The following SLC26A5 variants were observed in gnomAD, a reference collection of about 807,000 sequenced individuals.
SLC26A5 encodes prestin.
A neutral mutation model predicts 81.0 loss-of-function variants in SLC26A5; 51 were observed. The observed-to-expected ratio is 0.63, with a 90% CI of 0.50 to 0.80. SLC26A5 has a LOEUF of 0.80. SLC26A5 is among the 30% of genes least tolerant of loss of function. SLC26A5 has a pLI of 0.00. For missense variants in SLC26A5, 771 were observed against 905.8 expected (o/e 0.85, Z 1.91); for synonymous variants, 325 against 332.8 (o/e 0.98, Z 0.25).
chr7:103,409,403 T>C (rs1168160404), intron 7 of SLC26A5, among the ~76,000 whole-genome samples: 1 of 152,238 alleles, frequency 6.6e-6, no homozygotes, highest in Non-Finnish European at 1.5e-5. Context: ...ATTTCCTAAT[T>C]CCCTCTTTAT....
intron 2 of SLC26A5, 78 bp from the exon 3 acceptor site, chr7:103,421,645 G>GC: frequency 1.0e-6 from 1 of 977,942 alleles, no homozygotes; most frequent in Non-Finnish European, 1.6e-6. Context: ...CTTCTTTGTG[G>GC]TGTTCCAAGT....
chr7:103,367,265 A>C lies in SLC26A5; in HGVS notation c.2041+9543T>G. On this transcript the variant is annotated intron_variant, in intron 19 of 19. Coordinates refer to the SLC26A5 transcript ENST00000339444. The surrounding 1 kb of genome is among the most constrained non-coding windows in gnomAD (Gnocchi z 6.1). ...CTTTCTAATTAGTTTTATATAAAGCAAGCTGTTCTTACAGGATTTGCTTCA... is the reference window on the plus strand; with the variant it reads ...CTTTCTAATTAGTTTTATATAAAGCCAGCTGTTCTTACAGGATTTGCTTCA... 1.6e-6 allele frequency: 1 copy of C among 642,804 alleles called. No individual in the cohort carries two copies. The highest frequency in any genetic ancestry group is 2.8e-6 in the Non-Finnish European group (1 of 362,700). The allele number at this position is 642,804 out of a possible 1,614,324, so 39.8% of individuals were successfully genotyped here.
rs775655148 is a variant in SLC26A5 at position 103,411,457 on chromosome 7, A to G, written c.533T>C (p.Val178Ala). 6.2e-7 allele frequency: 1 copy of G among 1,614,152 alleles called. No homozygotes were observed. Among genetic ancestry groups the G allele is most frequent in the East Asian group, 2.2e-5 (1 of 44,876 alleles). ...TEARDALRVK[V>A]AMSVTLLSGI... is the part of the protein sequence containing the mutation. ...TGAAAGTAAGGTCACAGACATGGCGACTTTCACTCTCAAGGCATCTCTGGC... is the reference window on the plus strand; with the variant it reads ...TGAAAGTAAGGTCACAGACATGGCGGCTTTCACTCTCAAGGCATCTCTGGC... The change falls in exon 6 of 20, where the codon GTC becomes GCC. Residue 178 changes from valine (V) to alanine (A), a missense_variant. Transcript: ENST00000306312.
chr7:103,412,759 C>A (rs975471270), intron 5 of SLC26A5, among the ~76,000 whole-genome samples: 18 of 151,998 alleles, frequency 1.2e-4, no homozygotes, highest in African/African-American at 4.4e-4. Flanking sequence ...CTATGTTGGT[C>A]TGGCTGGTCT....
At chr7:103,377,089 T>C (rs1821408551) in intron 18 of SLC26A5, among the ~76,000 whole-genome samples, 1 of 152,194 alleles carries the variant, frequency 6.6e-6, no homozygotes. Context: ...CTGTTAAATC[T>C]TACTTAAGTA....
rs375177559 is a variant in SLC26A5 at position 103,355,886 on chromosome 7, A to G, written c.2042-2960T>C. 272 of 840,900 alleles carry G rather than the reference A, an allele frequency of 3.2e-4. 2 individuals carry two copies. In the Middle Eastern group the frequency reaches 0.011, roughly 35 times the overall value. The allele number at this position is 840,900 out of a possible 1,614,324, so 52.1% of individuals were successfully genotyped here. Reference sequence around the variant, plus strand: ...AGGGATAATGCAATAGTTCATAAATAATTTTGATTCCAAATTCCAAGTAAA... The same window carrying G: ...AGGGATAATGCAATAGTTCATAAATGATTTTGATTCCAAATTCCAAGTAAA... On this transcript the variant is annotated intron_variant, in intron 19 of 19. Coordinates refer to the SLC26A5 transcript ENST00000339444.
At chr7:103,373,758 T>C (rs555505202), downstream of SLC26A5, among the ~76,000 whole-genome samples, 6 of 152,296 alleles carry the variant, frequency 3.9e-5, no homozygotes, top group East Asian at 3.9e-4. Flanking sequence ...TAAAACACTA[T>C]AGATGTGGTC....
At chr7:103,437,761 A>G (rs146527748) in intron 2 of SLC26A5, among the ~76,000 whole-genome samples, 3 of 152,158 alleles carry the variant, frequency 2.0e-5, no homozygotes, top group African/African-American at 7.2e-5. Context: ...AATGGTGTTG[A>G]CCAGAGGCTA....
In SLC26A5 at chr7:103,391,690, G is replaced by C. The variant is rs576599754; in HGVS notation, c.1165C>G (p.Gln389Glu). 2 of 1,614,120 alleles carry C rather than the reference G, an allele frequency of 1.2e-6. No individual in the cohort carries two copies. Among genetic ancestry groups the C allele is most frequent in the African/African-American group, 2.7e-5 (2 of 75,034 alleles). Residue 389 changes from glutamine to glutamate, a missense_variant, in exon 11 of 20, where the codon CAG becomes GAG. Physicochemically the swap from Gln to Glu is conservative, Grantham distance 29. Transcript: ENST00000306312. ...GLCNSIGSLFQTFSISCSLSR... is the reference protein window; with the variant it reads ...GLCNSIGSLFETFSISCSLSR... ...AAGGAGCATGAAATTGAAAAGGTCTGGAAGAGTGAGCCAATGGAATTGCAC... is the reference window on the plus strand; with the variant it reads ...AAGGAGCATGAAATTGAAAAGGTCTCGAAGAGTGAGCCAATGGAATTGCAC...
At chr7:103,383,911 G>A (rs1000933447) in intron 14 of SLC26A5, among the ~76,000 whole-genome samples, 1 of 152,064 alleles carries the variant, frequency 6.6e-6, no homozygotes, top group African/African-American at 2.4e-5. Flanking sequence ...GGAGGCTGAG[G>A]TGGGAGGAAC....
chr7:103,354,697 T>C (rs1819932915), intron 19 of SLC26A5, among the ~76,000 whole-genome samples: 1 of 152,160 alleles, frequency 6.6e-6, no homozygotes, highest in South Asian at 2.1e-4. Flanking sequence ...TCTTGCATAA[T>C]AGTGGATTGT....
chr7:103,367,403 G>T lies in SLC26A5; in HGVS notation c.2041+9405C>A. 4.3e-6 allele frequency: 7 copies of T among 1,612,890 alleles called. No homozygotes were observed. The highest frequency in any genetic ancestry group is 5.9e-6 in the Non-Finnish European group (7 of 1,179,774). ...ACTTGAAGAGCTTATCTTTCCTTTT[G>T]TCTTCTCAGGGGCTCGTTTTGATGA... On this transcript the variant is annotated intron_variant, in intron 19 of 19. Coordinates refer to the SLC26A5 transcript ENST00000339444. This position sits in a 1 kb window ranked among gnomAD's most constrained non-coding sequence, Gnocchi z 6.1.
chr7:103,420,353 T>C (rs993008907), intron 4 of SLC26A5, among the ~76,000 whole-genome samples: 8 of 146,612 alleles, frequency 5.5e-5, no homozygotes, highest in African/African-American at 1.3e-4. Context: ...CGGAGTGAAG[T>C]AGTATGATCA....
chr7:103,362,579 C>A lies in SLC26A5; in HGVS notation c.2042-9653G>T, dbSNP rs184165831. On this transcript the variant is annotated intron_variant, in intron 19 of 19. Transcript: ENST00000339444. ...CTCTTTATATAATTAGGGACTCTGT[C>A]TCTCTCTTGTTTTCTTAAAGTATGG... The A allele has an allele frequency of 1.7e-3, 2,489 of 1,437,064 alleles. 3 individuals are homozygous for A. The highest frequency in any genetic ancestry group is 2.2e-3 in the Non-Finnish European group (2,352 of 1,053,458). The allele number at this position is 1,437,064 out of a possible 1,614,324, so 89.0% of individuals were successfully genotyped here. A position where few individuals can be genotyped will look rare whatever the true frequency, so the allele number is the denominator to read the frequency against.
chr7:103,355,191 G>T (rs552211552), intron 19 of SLC26A5, among the ~76,000 whole-genome samples: 1 of 152,162 alleles, frequency 6.6e-6, no homozygotes, highest in Non-Finnish European at 1.5e-5. Context: ...TAATATTTCT[G>T]TTGGTCAAAA....
intron 9 of SLC26A5, among the ~76,000 whole-genome samples, chr7:103,394,077 C>T (rs1374030289): frequency 6.6e-6 from 1 of 152,188 alleles, no homozygotes; most frequent in Non-Finnish European, 1.5e-5. Context: ...AGCTCATCTA[C>T]CAAGTACAAC....
chr7:103,354,513 C>A (rs372152575), intron 19 of SLC26A5, among the ~76,000 whole-genome samples: 157 of 151,942 alleles, frequency 1.0e-3, no homozygotes, highest in African/African-American at 3.6e-3. Flanking sequence ...GGATTATGAG[C>A]GCCCACCACC....
At position 103,374,648 on chromosome 7, in the gene SLC26A5, T is replaced by C. The variant is rs559951732; in HGVS notation, c.2042-56A>G. ...CACTCTGGATATCAGTCTTCAACAA[T>C]TAAAAAAAAGTAACACTTCCATATA... On this transcript the variant is annotated intron_variant, in intron 19 of 19. Transcript: ENST00000306312. 18 of 1,531,702 alleles carry C rather than the reference T, an allele frequency of 1.2e-5. No homozygotes were observed. In the East Asian group the frequency reaches 3.6e-4, roughly 31 times the overall value. The allele number at this position is 1,531,702 out of a possible 1,614,324, so 94.9% of individuals were successfully genotyped here. A position where few individuals can be genotyped will look rare whatever the true frequency, so the allele number is the denominator to read the frequency against.
At chr7:103,385,537 C>T (rs1822120141) in intron 14 of SLC26A5, among the ~76,000 whole-genome samples, 1 of 152,056 alleles carries the variant, frequency 6.6e-6, no homozygotes. Flanking sequence ...CAGAAGAAGC[C>T]AGCTGAAAAT....
Sources: gnomAD v4.1 joint callset for allele counts (sites outside exome capture counted in the v4.1 genomes callset) on GRCh38, gnomAD v4.1.1 for gene constraint, Gnocchi (gnomAD v3.1) non-coding constraint, MANE v1.5 for transcripts, NCBI Gene and HGNC (gene_info 2026-07-23, HGNC 2026-07-21) for gene names.